GALNT7: variants seen among roughly 807,000 people sequenced by gnomAD.
GALNT7 encodes polypeptide N-acetylgalactosaminyltransferase 7.
Under a neutral mutation model 82.1 loss-of-function variants are expected in GALNT7, and 60 were observed. That is an observed-to-expected ratio of 0.73 (90% confidence interval 0.59 to 0.91). GALNT7 has a LOEUF of 0.91. Ranked by LOEUF, GALNT7 falls within the 40% of genes least tolerant of loss-of-function variation. GALNT7 has a pLI of 0.00. For synonymous variants in GALNT7, 243 were observed against 275.1 expected, an observed-to-expected ratio of 0.88 and a Z score of 1.15; for missense variants, 660 against 804.2, an observed-to-expected ratio of 0.82 and a Z score of 2.17.
At chr4:173,299,751 C>G (rs1450271858) in intron 6 of GALNT7, among the ~76,000 whole-genome samples, 1 of 151,872 alleles carries the variant, frequency 6.6e-6, no homozygotes, top group Non-Finnish European at 1.5e-5. Flanking sequence ...GAGGCTGAGG[C>G]AGGAGAATCG....
chr4:173,321,678 G>T lies in GALNT7; in HGVS notation c.1935G>T (p.Thr645=). 1.2e-6 allele frequency: 2 copies of T among 1,608,162 alleles called. No homozygotes were observed. The highest frequency in any genetic ancestry group is 1.1e-5 in the South Asian group (1 of 90,926). Residue 645 remains threonine, a synonymous_variant, in exon 12 of 12, where the codon ACG becomes ACT. Coordinates refer to ENST00000265000, the MANE Select transcript of GALNT7 (RefSeq NM_017423.3). Reference sequence around the variant, plus strand: ...TCTCCAATTGTGACTCCAGTAAAACGACTCAAAAATGGGAAATGAATAACA... The same window carrying T: ...TCTCCAATTGTGACTCCAGTAAAACTACTCAAAAATGGGAAATGAATAACA... The part of the protein sequence containing the change: ...VFISNCDSSK[T]TQKWEMNNIH...
intron 1 of GALNT7, among the ~76,000 whole-genome samples, chr4:173,184,529 G>A (rs1224489143): frequency 6.6e-6 from 1 of 151,492 alleles, no homozygotes; most frequent in Non-Finnish European, 1.5e-5. Flanking sequence ...GGAGATTGCA[G>A]TGGGTCGAGA....
At chr4:173,288,100 G>A (rs369559520) in intron 2 of GALNT7, among the ~76,000 whole-genome samples, 124 of 151,336 alleles carry the variant, frequency 8.2e-4, no homozygotes, top group African/African-American at 2.7e-3. Context: ...TGGCTAACAC[G>A]GTGAAACCCC....
At chr4:173,286,661 G>C (rs1444592225) in intron 2 of GALNT7, among the ~76,000 whole-genome samples, 1 of 152,212 alleles carries the variant, frequency 6.6e-6, no homozygotes, top group African/African-American at 2.4e-5. Flanking sequence ...AGTAAGGCTT[G>C]CTTTAGTTGG....
chr4:173,234,613 G>A (rs540254827), intron 1 of GALNT7, among the ~76,000 whole-genome samples: 3 of 152,058 alleles, frequency 2.0e-5, no homozygotes, highest in Admixed American at 6.5e-5. Context: ...ATTTTACTTC[G>A]TAATTACTAT....
At chr4:173,246,620 G>A (rs1424545121) in intron 1 of GALNT7, among the ~76,000 whole-genome samples, 1 of 152,064 alleles carries the variant, frequency 6.6e-6, no homozygotes, top group Admixed American at 6.6e-5. Flanking sequence ...TCAAGACTTA[G>A]CGATCCCTTG....
At chr4:173,271,409 C>T (rs959026452) in intron 2 of GALNT7, among the ~76,000 whole-genome samples, 14 of 152,072 alleles carry the variant, frequency 9.2e-5, no homozygotes, top group Non-Finnish European at 1.9e-4. Context: ...TCCTACCAGC[C>T]AAGTAATACA....
intron 1 of GALNT7, among the ~76,000 whole-genome samples, chr4:173,223,620 G>A (rs1010911722): frequency 6.6e-6 from 1 of 151,378 alleles, no homozygotes; most frequent in Non-Finnish European, 1.5e-5. Flanking sequence ...TTGTCAAGCT[G>A]AATGATCACT....
chr4:173,177,856 G>A (rs1045236827), intron 1 of GALNT7, among the ~76,000 whole-genome samples: 4 of 152,100 alleles, frequency 2.6e-5, no homozygotes, highest in African/African-American at 7.2e-5. Context: ...AGTTCAGGTC[G>A]TGAAGAGTCA....
At chr4:173,186,850 T>C (rs541949449) in intron 1 of GALNT7, among the ~76,000 whole-genome samples, 1 of 152,192 alleles carries the variant, frequency 6.6e-6, no homozygotes, top group South Asian at 2.1e-4. Flanking sequence ...CTTGGCTCAC[T>C]GCAACCTCCA....
chr4:173,316,579 T>C (rs1237995729), intron 9 of GALNT7: 1 of 152,234 alleles, frequency 6.6e-6, no homozygotes, highest in African/African-American at 2.4e-5. Context: ...CTTTATTTTG[T>C]TCACTAGTGT....
At chr4:173,250,825 T>C (rs535032677) in intron 2 of GALNT7, among the ~76,000 whole-genome samples, 102 of 152,326 alleles carry the variant, frequency 6.7e-4, no homozygotes, top group Non-Finnish European at 1.3e-3. Flanking sequence ...TGTGCTGGCC[T>C]GTCTCAGGTC....
At chr4:173,321,454 T>G in intron 11 of GALNT7, 126 bp from the exon 12 acceptor site, 1 of 666,396 alleles carries the variant, frequency 1.5e-6, no homozygotes. Context: ...ATCCAAAGTC[T>G]GAGGTGTGGT....
intron 1 of GALNT7, among the ~76,000 whole-genome samples, chr4:173,180,326 C>CT (rs10687213): frequency 0.47 from 57,439 of 123,042 alleles, 14,347 homozygotes; most frequent in East Asian, 0.69. Context: ...ATTGGAGTTC[C>CT]TTTTTTTTTT....
intron 2 of GALNT7, among the ~76,000 whole-genome samples, chr4:173,287,138 G>A (rs1040563961): frequency 6.6e-6 from 1 of 152,208 alleles, no homozygotes; most frequent in African/African-American, 2.4e-5. Context: ...TGAATAAAAA[G>A]GTTTAAAGAT....
At chr4:173,200,699 T>C (rs1317471202) in intron 1 of GALNT7, among the ~76,000 whole-genome samples, 1 of 152,236 alleles carries the variant, frequency 6.6e-6, no homozygotes, top group Non-Finnish European at 1.5e-5. Context: ...TGTGTCATCA[T>C]AAAGAATGTT....
rs559442229 is a variant in GALNT7, at chr4:173,309,160, T to C, written c.1390-4798T>C. On this transcript the variant is annotated intron_variant, in intron 8 of 11. Transcript: ENST00000265000. ...TAAATAAAATGTATTTAACTTAAAC[T>C]GAACGGGACTGTTTTAGTAGGATGA... is the stretch of plus-strand genomic sequence containing the variant. 1.4e-4 allele frequency among the ~76,000 whole-genome samples: 21 copies of C among 151,900 alleles called. 1 individual carries two copies. The South Asian group carries it at 4.3e-3, about 31-fold the overall frequency.
intron 9 of GALNT7, chr4:173,316,812 C>G (rs1488584122): frequency 6.6e-6 from 1 of 152,270 alleles, no homozygotes; most frequent in Non-Finnish European, 1.5e-5. Flanking sequence ...TTAAAGGTGT[C>G]TCTTGGGGCA....
At position 173,289,524 on chromosome 4, in the gene GALNT7, T is replaced by C. The variant is rs145370064; in HGVS notation, c.588-2584T>C. 3.3e-5 allele frequency among the ~76,000 whole-genome samples: 5 copies of C among 152,372 alleles called. No individual in the cohort carries two copies. In the East Asian group the frequency reaches 9.6e-4, roughly 29 times the overall value. On this transcript the variant is annotated intron_variant, in intron 2 of 11. Transcript: ENST00000265000. ...AACTCTTCTCATCTCTGTAGCAGTT[T>C]GAGCAACTTCTCTTATCAGTAAAGC...
Sources: allele counts gnomAD v4.1 joint callset (sites outside exome capture counted in the v4.1 genomes callset), GRCh38; gene constraint gnomAD v4.1.1; transcripts MANE v1.5; gene names NCBI Gene and HGNC (gene_info 2026-07-23, HGNC 2026-07-21).